The following PCDHGA3 variants were observed in gnomAD, a reference collection of about 807,000 sequenced individuals.
PCDHGA3 encodes the protein protocadherin gamma-A3.
A neutral mutation model predicts 58.5 loss-of-function variants in PCDHGA3; 40 were observed. The observed-to-expected ratio is 0.68, with a 90% CI of 0.53 to 0.89. The LOEUF (loss-of-function observed/expected upper bound fraction) is 0.89. Ranked by LOEUF, PCDHGA3 falls within the 40% of genes least tolerant of loss-of-function variation. The probability of loss-of-function intolerance (pLI) is 0.00; values close to 1 mark genes in which losing one functional copy is unlikely to be tolerated. For synonymous variants in PCDHGA3, 530 were observed against 525.7 expected (o/e 1.01, Z -0.11); for missense variants, 1,223 against 1,195.9 (o/e 1.02, Z -0.33).
At chr5:141,403,276 C>G in intron 1 of PCDHGA3, 7 of 1,613,844 alleles carry the variant, frequency 4.3e-6, no homozygotes, top group Non-Finnish European at 5.1e-6. Context: ...ACTTTAAAGT[C>G]CTGGTTGAAG....
chr5:141,430,992 A>G (rs1223969128), intron 1 of PCDHGA3: 2 of 1,613,824 alleles, frequency 1.2e-6, no homozygotes, highest in Admixed American at 3.3e-5. Context: ...TTCGCCCTGA[A>G]TCCGCGCAGC....
intron 1 of PCDHGA3, chr5:141,415,759 T>TTG (rs2095938229): frequency 3.7e-6 from 5 of 1,352,054 alleles, no homozygotes; most frequent in Non-Finnish European, 4.8e-6. Flanking sequence ...TTTTTTTTTT[T>TTG]TTTTTTTTTT....
intron 1 of PCDHGA3, chr5:141,402,889 G>A: frequency 1.3e-6 from 2 of 1,493,808 alleles, no homozygotes; most frequent in South Asian, 1.4e-5. Context: ...CAGGGTGGAA[G>A]AAAGAACCTG....
chr5:141,506,506 C>T (rs1279198463), intron 3 of PCDHGA3, among the ~76,000 whole-genome samples: 2 of 151,030 alleles, frequency 1.3e-5, no homozygotes. Context: ...GATTCAAATC[C>T]TGGCACCTGG....
At chr5:141,400,500 C>T (rs1025270322) in intron 1 of PCDHGA3, 1 of 1,613,922 alleles carries the variant, frequency 6.2e-7, no homozygotes, top group Non-Finnish European at 8.5e-7. Flanking sequence ...GTAATTCCAG[C>T]GAGTCGACTT....
At chr5:141,413,001 G>C in intron 1 of PCDHGA3, 1 of 592,908 alleles carries the variant, frequency 1.7e-6, no homozygotes, top group Non-Finnish European at 2.8e-6. Flanking sequence ...CGGATTCTCA[G>C]GGCTTCAACT....
chr5:141,456,335 G>A (rs2098850730), intron 1 of PCDHGA3, among the ~76,000 whole-genome samples: 1 of 152,114 alleles, frequency 6.6e-6, no homozygotes. Flanking sequence ...TTGATCTAAG[G>A]GTCCTCGGAA....
intron 1 of PCDHGA3, among the ~76,000 whole-genome samples, chr5:141,484,627 A>G (rs866882607): frequency 5.3e-5 from 8 of 152,162 alleles, no homozygotes; most frequent in Middle Eastern, 3.4e-3. Flanking sequence ...TGGCTTGAAC[A>G]AAGTGACCAC....
At position 141,384,979 on chromosome 5, in the gene PCDHGA3, G is replaced by C. The variant is rs758247749; in HGVS notation, c.2424+38522G>C. 1.4e-4 allele frequency: 229 copies of C among 1,614,146 alleles called. 1 individual carries two copies. The highest frequency in any genetic ancestry group is 1.5e-5 in the Non-Finnish European group (18 of 1,180,036). On this transcript the variant is annotated intron_variant, in intron 1 of 3. Coordinates refer to ENST00000253812, the MANE Select transcript of PCDHGA3 (RefSeq NM_018916.4). ...CAACTATGACCTCACGTTGTACCTG[G>C]TGGTGGCGGTGGCCACAGTCTCCTG...
rs1022516458 is a variant in PCDHGA3, at chr5:141,476,612, A to G, written c.2425-18195A>G. The G allele has an allele frequency of 1.2e-6, 2 of 1,614,236 alleles. No individual in the cohort carries two copies. The highest frequency in any genetic ancestry group is 2.2e-5 in the South Asian group (2 of 91,080). ...GAGCGCGCACGATCCCGATGTGGGA[A>G]GCAACTCTTTACAAACCTATGAGCT... On this transcript the variant is annotated intron_variant, in intron 1 of 3. Transcript: ENST00000253812. The surrounding 1 kb of genome is among the most constrained non-coding windows in gnomAD (Gnocchi z 7.6).
chr5:141,370,322 C>G, intron 1 of PCDHGA3: 6 of 1,366,842 alleles, frequency 4.4e-6, no homozygotes, highest in Non-Finnish European at 5.0e-6. Flanking sequence ...GTTGGTCCTG[C>G]TCGGAGAACT....
rs757924501 is a variant in PCDHGA3, at chr5:141,490,548, A to G, written c.2425-4259A>G. 1.2e-6 allele frequency: 2 copies of G among 1,614,084 alleles called. No individual in the cohort carries two copies. Among genetic ancestry groups the G allele is most frequent in the South Asian group, 2.2e-5 (2 of 91,080 alleles). ...ATGCTGGTTCACCTTCCCTACACAA[A>G]CATCTCACCATCAGGCTCAACATTT... On this transcript the variant is annotated intron_variant, in intron 1 of 3. Transcript: ENST00000253812. This position sits in a 1 kb window ranked among gnomAD's most constrained non-coding sequence, Gnocchi z 5.4.
At chr5:141,413,841 T>C (rs1481867404) in intron 1 of PCDHGA3, 1 of 1,613,060 alleles carries the variant, frequency 6.2e-7, no homozygotes, top group Admixed American at 1.7e-5. Context: ...CCGACGGGGG[T>C]GACCCTCTCC....
intron 2 of PCDHGA3, among the ~76,000 whole-genome samples, chr5:141,501,159 C>G (rs1475164887): frequency 6.6e-6 from 1 of 152,096 alleles, no homozygotes; most frequent in East Asian, 1.9e-4. Context: ...GAGCCACCAT[C>G]CCCAGCCTCA....
intron 1 of PCDHGA3, chr5:141,408,041 C>T: frequency 1.7e-6 from 2 of 1,193,652 alleles, no homozygotes; most frequent in Non-Finnish European, 2.3e-6. Context: ...AAACCAGCTC[C>T]CACACAGAGC....
intron 1 of PCDHGA3, among the ~76,000 whole-genome samples, chr5:141,382,481 T>C (rs1778238182): frequency 6.6e-6 from 1 of 152,228 alleles, no homozygotes; most frequent in Non-Finnish European, 1.5e-5. Flanking sequence ...TCTAAGATTA[T>C]CAAACACCGG....
At chr5:141,435,875 T>C (rs1324511823) in intron 1 of PCDHGA3, among the ~76,000 whole-genome samples, 1 of 152,100 alleles carries the variant, frequency 6.6e-6, no homozygotes, top group African/African-American at 2.4e-5. Flanking sequence ...AGAAAAGAGA[T>C]TGGAAACCCC....
chr5:141,447,919 C>G (rs940570932), intron 1 of PCDHGA3, among the ~76,000 whole-genome samples: 2 of 152,012 alleles, frequency 1.3e-5, no homozygotes, highest in East Asian at 1.9e-4. Context: ...AACTCTGTCT[C>G]CACTAAAAAT....
chr5:141,486,012 A>C lies in PCDHGA3; in HGVS notation c.2425-8795A>C. The C allele has an allele frequency of 1.9e-6, 3 of 1,614,064 alleles. No homozygotes were observed. The highest frequency in any genetic ancestry group is 2.5e-6 in the Non-Finnish European group (3 of 1,179,984). On this transcript the variant is annotated intron_variant, in intron 1 of 3. Coordinates refer to ENST00000253812, the MANE Select transcript of PCDHGA3 (RefSeq NM_018916.4). The surrounding 1 kb of genome is among the most constrained non-coding windows in gnomAD (Gnocchi z 5.0). ...GGTCCCAGTGGTAACGTCACCTTTT[A>C]TTTCAGTGGTCATACCCCTGATCGT...
Sources: gnomAD v4.1 joint callset for allele counts (sites outside exome capture counted in the v4.1 genomes callset) on GRCh38, gnomAD v4.1.1 for gene constraint, Gnocchi (gnomAD v3.1) non-coding constraint, MANE v1.5 for transcripts, NCBI Gene and HGNC (gene_info 2026-07-23, HGNC 2026-07-21) for gene names.